PDE1A: variants seen among roughly 807,000 people sequenced by gnomAD.
PDE1A encodes the protein dual specificity calcium/calmodulin-dependent 3',5'-cyclic nucleotide phosphodiesterase 1A.
In PDE1A, 35 loss-of-function variants were observed where a neutral mutation model predicts 61.7. The observed-to-expected ratio is 0.57, with a 90% CI of 0.43 to 0.75. The LOEUF (loss-of-function observed/expected upper bound fraction) is 0.75, where lower values mean the gene tolerates loss of function less well. PDE1A is among the 30% of genes least tolerant of loss of function. The probability of loss-of-function intolerance (pLI) is 0.00; values close to 1 mark genes in which losing one functional copy is unlikely to be tolerated. For missense variants in PDE1A, 597 were observed against 630.6 expected (o/e 0.95, Z 0.57); for synonymous variants, 232 against 213.2 (o/e 1.09, Z -0.77).
chr2:182,556,242 C>T, the PDE1A span, among the ~76,000 whole-genome samples: 16 of 152,142 alleles, frequency 1.1e-4, no homozygotes, highest in Non-Finnish European at 1.9e-4. Flanking sequence ...ATTTAAACCA[C>T]CTAAAATTTC....
At chr2:182,363,490 T>C (rs1699634891) in intron 1 of PDE1A, among the ~76,000 whole-genome samples, 1 of 151,898 alleles carries the variant, frequency 6.6e-6, no homozygotes, top group Non-Finnish European at 1.5e-5. Context: ...AGAAGACCTT[T>C]CTAAGAAGGT....
chr2:182,488,905 A>G (rs1559507418), intron 2 of PDE1A, among the ~76,000 whole-genome samples: 1 of 152,258 alleles, frequency 6.6e-6, no homozygotes, highest in Non-Finnish European at 1.5e-5. Flanking sequence ...GGCCCTGGAA[A>G]GAGAGCATGT....
the PDE1A span, among the ~76,000 whole-genome samples, chr2:182,671,361 TGTA>T: frequency 4.2e-4 from 48 of 114,244 alleles, no homozygotes; most frequent in East Asian, 8.2e-4. Context: ...TTTTTTTTTT[TGTA>T]TTTTTAGTAG....
chr2:182,497,338 G>C (rs753319982), intron 2 of PDE1A, among the ~76,000 whole-genome samples: 1 of 152,208 alleles, frequency 6.6e-6, no homozygotes, highest in Non-Finnish European at 1.5e-5. Context: ...TCACCCTAAA[G>C]ATCCCTGAAA....
chr2:182,597,758 C>A, the PDE1A span, among the ~76,000 whole-genome samples: 1 of 152,190 alleles, frequency 6.6e-6, no homozygotes, highest in Non-Finnish European at 1.5e-5. Flanking sequence ...GGGAAAATGA[C>A]GCAACCTTCA....
chr2:182,589,270 A>AG, the PDE1A span, among the ~76,000 whole-genome samples: 3 of 12,366 alleles, frequency 2.4e-4, no homozygotes, highest in Admixed American at 1.3e-3. Context: ...GGAGGGAGGG[A>AG]GGAAGGAAGG....
intron 6 of PDE1A, among the ~76,000 whole-genome samples, chr2:182,228,580 A>C (rs1354910205): frequency 1.3e-5 from 2 of 152,194 alleles, no homozygotes. Flanking sequence ...GAAATTTAAT[A>C]GTCACCTATC....
chr2:182,336,653 G>T (rs1018462235), intron 1 of PDE1A, among the ~76,000 whole-genome samples: 8 of 152,074 alleles, frequency 5.3e-5, no homozygotes, highest in Non-Finnish European at 1.2e-4. Context: ...AGCATTAGGA[G>T]AAATACCTAA....
intron 1 of PDE1A, among the ~76,000 whole-genome samples, chr2:182,412,614 C>T (rs150106609): frequency 6.6e-5 from 10 of 152,284 alleles, no homozygotes; most frequent in South Asian, 2.1e-4. Context: ...AGAAACAGCA[C>T]GGGCTTGAGA....
At chr2:182,690,527 T>C in the PDE1A span, among the ~76,000 whole-genome samples, 1 of 152,216 alleles carries the variant, frequency 6.6e-6, no homozygotes, top group African/African-American at 2.4e-5. Context: ...ATGGGATGTA[T>C]CTCAAAATAA....
intron 3 of PDE1A, among the ~76,000 whole-genome samples, chr2:182,239,063 A>T (rs2125683235): frequency 6.6e-6 from 1 of 152,340 alleles, no homozygotes. Context: ...CATCTTCTTT[A>T]AATTGCACAG....
At chr2:182,427,628 A>C (rs980486595), upstream of PDE1A, among the ~76,000 whole-genome samples, 6 of 152,184 alleles carry the variant, frequency 3.9e-5, no homozygotes, top group Non-Finnish European at 5.9e-5. Flanking sequence ...GAAGGTATAA[A>C]AGAATTTGTG....
At chr2:182,549,948 T>C in the PDE1A span, among the ~76,000 whole-genome samples, 1,242 of 152,300 alleles carry the variant, frequency 8.2e-3, 35 homozygotes, top group East Asian at 0.067. Context: ...TCTTTATGTC[T>C]TACTTAGCTT....
At chr2:182,586,458 C>T in the PDE1A span, among the ~76,000 whole-genome samples, 9 of 152,286 alleles carry the variant, frequency 5.9e-5, no homozygotes, top group South Asian at 1.5e-3. Flanking sequence ...CCAAACCTCC[C>T]AATTATTTAC....
chr2:182,358,696 G>A (rs377403167), intron 1 of PDE1A, among the ~76,000 whole-genome samples: 4 of 152,088 alleles, frequency 2.6e-5, no homozygotes, highest in Admixed American at 6.6e-5. Flanking sequence ...CTTACTAAGC[G>A]ACAGGCAGGA....
the PDE1A span, among the ~76,000 whole-genome samples, chr2:182,713,015 T>G: frequency 6.6e-6 from 1 of 152,210 alleles, no homozygotes; most frequent in Non-Finnish European, 1.5e-5. Flanking sequence ...GACTCTCTCC[T>G]TTTGGCTTGC....
the PDE1A span, among the ~76,000 whole-genome samples, chr2:182,558,238 T>C: frequency 6.6e-6 from 1 of 152,014 alleles, no homozygotes. Flanking sequence ...AACTCTTTTT[T>C]TTTTAATAAG....
chr2:182,648,511 C>CAAAAAAAAAAAAAAAAAAAAAAAAA, the PDE1A span, among the ~76,000 whole-genome samples: 34 of 76,210 alleles, frequency 4.5e-4, no homozygotes, highest in African/African-American at 7.0e-4. Context: ...CCTGTCCCCA[C>CAAAAAAAAAAAAAAAAAAAAAAAAA]AAAAAAAAAA....
intron 2 of PDE1A, among the ~76,000 whole-genome samples, chr2:182,485,337 G>A (rs974157354): frequency 6.6e-6 from 1 of 151,948 alleles, no homozygotes. Flanking sequence ...ACACAAAGAA[G>A]GAAACAACAG....
Sources: allele counts gnomAD v4.1 joint callset (sites outside exome capture counted in the v4.1 genomes callset), GRCh38; gene constraint gnomAD v4.1.1; transcripts MANE v1.5; gene names NCBI Gene and HGNC (gene_info 2026-07-23, HGNC 2026-07-21).